PRKCI: variants seen among roughly 807,000 people sequenced by gnomAD.
PRKCI encodes the protein protein kinase C iota.
A neutral mutation model predicts 84.0 loss-of-function variants in PRKCI; 43 were observed. That is an observed-to-expected ratio of 0.51 (90% confidence interval 0.40 to 0.66). The LOEUF is 0.66. Among genes scored for constraint, PRKCI ranks in the 30% least tolerant of loss-of-function variants. PRKCI has a pLI of 0.00. For missense variants in PRKCI, 459 were observed against 745.6 expected (o/e 0.62, Z 4.48); for synonymous variants, 216 against 234.4 (o/e 0.92, Z 0.72).
intron 2 of PRKCI, among the ~76,000 whole-genome samples, chr3:170,241,793 C>G (rs1385330861): frequency 6.6e-6 from 1 of 152,088 alleles, no homozygotes; most frequent in African/African-American, 2.4e-5. Flanking sequence ...ATCGCAGCCT[C>G]TTAGCTACAG....
intron 1 of PRKCI, among the ~76,000 whole-genome samples, chr3:170,223,209 T>A (rs1238080429): frequency 6.6e-6 from 1 of 152,178 alleles, no homozygotes; most frequent in African/African-American, 2.4e-5. Context: ...CCGTTTTGAT[T>A]ACCAGCAGGC....
At chr3:170,301,999 T>G (rs145202242) in intron 17 of PRKCI, among the ~76,000 whole-genome samples, 419 of 152,284 alleles carry the variant, frequency 2.8e-3, no homozygotes, top group Non-Finnish European at 3.7e-3. Flanking sequence ...CCTAGTAGTA[T>G]TATTGTCTCT....
intron 4 of PRKCI, among the ~76,000 whole-genome samples, chr3:170,263,846 T>A (rs1351781279): frequency 2.0e-5 from 3 of 152,230 alleles, no homozygotes; most frequent in Non-Finnish European, 4.4e-5. Flanking sequence ...TTTGATTTCT[T>A]TTCCATTTTT....
chr3:170,289,211 A>G (rs1734475774), intron 12 of PRKCI, among the ~76,000 whole-genome samples: 1 of 152,228 alleles, frequency 6.6e-6, no homozygotes, highest in South Asian at 2.1e-4. Context: ...ATTTTTCATG[A>G]GAATGTATTG....
chr3:170,242,654 T>G lies in PRKCI; in HGVS notation c.223+7303T>G, dbSNP rs1029908202. On this transcript the variant is annotated intron_variant, in intron 2 of 17. Coordinates refer to ENST00000295797, the MANE Select transcript of PRKCI (RefSeq NM_002740.6). ...TATAATGTAATGTAAAGAACTTCCT[T>G]TAACATTTCTTTTGTTTTTGTTTTG... Among the ~76,000 whole-genome samples the G allele has an allele frequency of 2.4e-4, 37 of 152,096 alleles. 1 individual carries two copies. The highest frequency in any genetic ancestry group is 1.4e-3 in the Admixed American group (22 of 15,272).
rs1734869244 is a variant in PRKCI at position 170,303,321 on chromosome 3, CCAGA to C, written c.*197_*200del. ...AAAAAAAAATTAATACTACTAGCTTCCAGACAATCATGTCAAAATTTAGTTGAAC... is the reference window on the plus strand; with the variant it reads ...AAAAAAAAATTAATACTACTAGCTTCCAATCATGTCAAAATTTAGTTGAAC... On this transcript the variant is annotated 3_prime_UTR_variant, in exon 18 of 18. Transcript: ENST00000295797. The C allele has an allele frequency of 5.2e-6, 2 of 384,476 alleles. No homozygotes were observed. Among genetic ancestry groups the C allele is most frequent in the South Asian group, 1.1e-4 (1 of 8,858 alleles). 23.8% of individuals were successfully genotyped at this position (384,476 alleles called of 1,614,324 possible). A position where few individuals can be genotyped will look rare whatever the true frequency, so the allele number is the denominator to read the frequency against.
At chr3:170,287,332 T>G (rs980630833) in intron 12 of PRKCI, among the ~76,000 whole-genome samples, 21 of 150,598 alleles carry the variant, frequency 1.4e-4, no homozygotes, top group African/African-American at 4.9e-4. Context: ...AAAATATATA[T>G]ATATATAGAG....
At chr3:170,235,596 C>T (rs1241825640) in intron 2 of PRKCI, among the ~76,000 whole-genome samples, 3 of 143,650 alleles carry the variant, frequency 2.1e-5, no homozygotes, top group Non-Finnish European at 3.1e-5. Flanking sequence ...GACGGAGTCT[C>T]GCTCTATCGC....
chr3:170,261,871 GTC>G (rs1560175236), intron 3 of PRKCI, among the ~76,000 whole-genome samples: 1 of 152,152 alleles, frequency 6.6e-6, no homozygotes, highest in Admixed American at 6.6e-5. Context: ...AGCTTTAAGA[GTC>G]TATTTTTTTT....
At chr3:170,261,220 C>T (rs915556784) in intron 3 of PRKCI, among the ~76,000 whole-genome samples, 1 of 151,504 alleles carries the variant, frequency 6.6e-6, no homozygotes, top group African/African-American at 2.4e-5. Flanking sequence ...CCACCTGGGC[C>T]TCCCAAAGTG....
chr3:170,235,056 C>T (rs1342977814), intron 1 of PRKCI, among the ~76,000 whole-genome samples, 174 bp from the exon 2 acceptor site: 1 of 151,978 alleles, frequency 6.6e-6, no homozygotes. Context: ...CATGAGCCAC[C>T]GTGCCCAGCT....
intron 2 of PRKCI, among the ~76,000 whole-genome samples, chr3:170,245,326 C>T (rs943775554): frequency 1.2e-4 from 18 of 152,128 alleles, no homozygotes; most frequent in African/African-American, 3.9e-4. Flanking sequence ...CCTAAACCTA[C>T]GGGGGTCTGT....
intron 5 of PRKCI, 55 bp from the exon 6 acceptor site, chr3:170,270,366 G>C (rs3736376): frequency 1.3e-5 from 19 of 1,477,620 alleles, no homozygotes; most frequent in Non-Finnish European, 1.7e-5. Flanking sequence ...AAACTATTTG[G>C]GAAATGGTTA....
At chr3:170,290,860 C>T (rs1734533155) in intron 12 of PRKCI, among the ~76,000 whole-genome samples, 4 of 151,876 alleles carry the variant, frequency 2.6e-5, no homozygotes, top group African/African-American at 9.7e-5. Context: ...AATACAGGCC[C>T]GGCATGGTGG....
intron 2 of PRKCI, among the ~76,000 whole-genome samples, chr3:170,236,851 C>G (rs1480303664): frequency 1.9e-5 from 2 of 107,404 alleles, no homozygotes; most frequent in East Asian, 5.1e-4. Context: ...GCAAGCAAAG[C>G]AAGACCCTGT....
intron 13 of PRKCI, among the ~76,000 whole-genome samples, chr3:170,293,058 G>T (rs577866417): frequency 4.7e-4 from 69 of 146,272 alleles, no homozygotes; most frequent in African/African-American, 1.7e-3. Context: ...AAAAAAAAAA[G>T]ACCAAGGAGA....
chr3:170,237,685 C>T (rs975393247), intron 2 of PRKCI, among the ~76,000 whole-genome samples: 1 of 152,166 alleles, frequency 6.6e-6, no homozygotes, highest in Non-Finnish European at 1.5e-5. Flanking sequence ...ATAAAGAACT[C>T]TGGAAAGTCA....
chr3:170,247,135 C>T (rs906909376), intron 2 of PRKCI, among the ~76,000 whole-genome samples: 6 of 151,986 alleles, frequency 3.9e-5, no homozygotes, highest in African/African-American at 1.2e-4. Flanking sequence ...AGTCATGGCT[C>T]ACTGCAGCCT....
intron 2 of PRKCI, among the ~76,000 whole-genome samples, chr3:170,236,941 C>G (rs1732995068): frequency 6.7e-6 from 1 of 148,942 alleles, no homozygotes; most frequent in African/African-American, 2.4e-5. Flanking sequence ...TTCCTATCCT[C>G]AAACCCATAG....
Sources: allele counts gnomAD v4.1 joint callset (sites outside exome capture counted in the v4.1 genomes callset), GRCh38; gene constraint gnomAD v4.1.1; transcripts MANE v1.5; gene names NCBI Gene and HGNC (gene_info 2026-07-23, HGNC 2026-07-21).